Variants in MCC observed in about 807,000 individuals in gnomAD.
MCC encodes colorectal mutant cancer protein.
In MCC, 90 loss-of-function variants were observed where a neutral mutation model predicts 116.2. The ratio of observed to expected loss-of-function variants is 0.77; its 90% CI spans 0.65 to 0.92. The LOEUF is 0.92. Ranked by LOEUF, MCC falls within the 40% of genes least tolerant of loss-of-function variation. The pLI, the probability that MCC is intolerant of heterozygous loss-of-function variation, is 0.00. For missense variants in MCC, 1,516 were observed against 1,312.2 expected (o/e 1.16, Z -2.40); for synonymous variants, 578 against 510.5 (o/e 1.13, Z -1.78).
intron 2 of MCC, among the ~76,000 whole-genome samples, chr5:113,375,349 C>T (rs1330889394): frequency 6.6e-6 from 1 of 152,122 alleles, no homozygotes; most frequent in African/African-American, 2.4e-5. Flanking sequence ...ATATATGATC[C>T]TGTACTAGTT....
At chr5:113,060,901 G>C (rs1753169519) in intron 14 of MCC, among the ~76,000 whole-genome samples, 1 of 152,198 alleles carries the variant, frequency 6.6e-6, no homozygotes, top group Non-Finnish European at 1.5e-5. Flanking sequence ...CCTCAGTAAA[G>C]ATGACTGTTT....
At chr5:113,176,727 A>C (rs1761354705) in intron 3 of MCC, among the ~76,000 whole-genome samples, 1 of 152,194 alleles carries the variant, frequency 6.6e-6, no homozygotes, top group Non-Finnish European at 1.5e-5. Flanking sequence ...CAAGTTCTAC[A>C]GGCCCATTTA....
At chr5:113,402,225 C>T (rs558479070) in intron 1 of MCC, among the ~76,000 whole-genome samples, 11 of 144,024 alleles carry the variant, frequency 7.6e-5, no homozygotes, top group Admixed American at 1.5e-4. Flanking sequence ...ACCCGGGAGG[C>T]GGAGCTTGCA....
chr5:113,467,975 G>T (rs1343462058), intron 1 of MCC, among the ~76,000 whole-genome samples: 1 of 151,390 alleles, frequency 6.6e-6, no homozygotes, highest in Non-Finnish European at 1.5e-5. Context: ...TCATGATTTG[G>T]CTGTTTGTCT....
chr5:113,197,927 G>A (rs1278320726), intron 3 of MCC, among the ~76,000 whole-genome samples: 1 of 152,208 alleles, frequency 6.6e-6, no homozygotes, highest in Non-Finnish European at 1.5e-5. Flanking sequence ...TGACACTCGT[G>A]TCATGTGACT....
intron 3 of MCC, among the ~76,000 whole-genome samples, chr5:113,339,181 G>C (rs887830924): frequency 8.6e-5 from 13 of 151,020 alleles, no homozygotes; most frequent in South Asian, 8.4e-4. Context: ...AGCCAAGACT[G>C]CGCAATTGCA....
intron 3 of MCC, among the ~76,000 whole-genome samples, chr5:113,156,121 C>G (rs73239158): frequency 0.016 from 2,383 of 152,288 alleles, 58 homozygotes; most frequent in African/African-American, 0.055. Flanking sequence ...TTTGTGGAGC[C>G]ACCCCACCAG....
intron 3 of MCC, among the ~76,000 whole-genome samples, chr5:113,290,580 C>A (rs1766453108): frequency 1.3e-5 from 2 of 152,274 alleles, no homozygotes; most frequent in South Asian, 4.2e-4. Flanking sequence ...TATTGTTAAA[C>A]CTTAAGATAT....
chr5:113,100,609 C>T (rs565143730), intron 8 of MCC, among the ~76,000 whole-genome samples: 25 of 151,778 alleles, frequency 1.6e-4, no homozygotes, highest in African/African-American at 4.4e-4. Flanking sequence ...GTAGCTGGGA[C>T]TACAGGCACA....
chr5:113,431,985 A>T (rs1288599090), intron 1 of MCC, among the ~76,000 whole-genome samples: 1 of 151,680 alleles, frequency 6.6e-6, no homozygotes, highest in Non-Finnish European at 1.5e-5. Context: ...AAAATACAAA[A>T]ATTAGCTGGG....
chr5:113,145,768 A>C (rs925425144), intron 4 of MCC, among the ~76,000 whole-genome samples: 16 of 23,598 alleles, frequency 6.8e-4, no homozygotes, highest in East Asian at 5.3e-3. Flanking sequence ...ACACACACAC[A>C]CACACACACA....
intron 8 of MCC, among the ~76,000 whole-genome samples, chr5:113,086,265 A>G (rs909244469): frequency 2.0e-5 from 3 of 152,338 alleles, no homozygotes; most frequent in Middle Eastern, 3.4e-3. Flanking sequence ...GCAATCTTAA[A>G]GGAGAACAAG....
intron 5 of MCC, among the ~76,000 whole-genome samples, chr5:113,134,876 C>T (rs56111630): frequency 0.19 from 28,100 of 151,088 alleles, 3,613 homozygotes; most frequent in African/African-American, 0.36. Flanking sequence ...GATCTTTCCA[C>T]TTGTTTGCAT....
chr5:113,068,312 C>T (rs1263646058), intron 12 of MCC, 129 bp from the exon 13 acceptor site: 2 of 669,876 alleles, frequency 3.0e-6, no homozygotes, highest in Non-Finnish European at 5.3e-6. Context: ...GCAAGGAAAC[C>T]ACCCATGAAT....
At chr5:113,165,994 G>A (rs6866874) in intron 3 of MCC, among the ~76,000 whole-genome samples, 9,350 of 151,920 alleles carry the variant, frequency 0.062, 526 homozygotes, top group African/African-American at 0.15. Flanking sequence ...AATGAAGGCT[G>A]CATATTTTCC....
In MCC at chr5:113,034,137, T is replaced by G. The variant is rs139123578; in HGVS notation, c.2757-5081A>C. On this transcript the variant is annotated intron_variant, in intron 17 of 18. Coordinates refer to ENST00000408903, the MANE Select transcript of MCC (RefSeq NM_001085377.2). Reference sequence around the variant, plus strand: ...CTGGTTGCAAACTACTGGGCTCTAGTGGTCCTCCCACCTTGCCCTCCCAAA... The same window carrying G: ...CTGGTTGCAAACTACTGGGCTCTAGGGGTCCTCCCACCTTGCCCTCCCAAA... Among the ~76,000 whole-genome samples the G allele has an allele frequency of 4.4e-4, 67 of 151,060 alleles. No homozygotes were observed. The East Asian group carries it at 0.012, about 28-fold the overall frequency.
chr5:113,478,232 A>T (rs1000502619), intron 1 of MCC, among the ~76,000 whole-genome samples: 1 of 152,152 alleles, frequency 6.6e-6, no homozygotes, highest in Non-Finnish European at 1.5e-5. Flanking sequence ...AATCTGACAG[A>T]CACTTTAGTT....
intron 1 of MCC, among the ~76,000 whole-genome samples, chr5:113,410,122 C>A (rs1769942318): frequency 6.6e-6 from 1 of 152,148 alleles, no homozygotes; most frequent in African/African-American, 2.4e-5. Flanking sequence ...CGGGATCTTG[C>A]TGAACATACT....
chr5:113,252,981 C>T (rs938405389), intron 3 of MCC, among the ~76,000 whole-genome samples: 1 of 152,178 alleles, frequency 6.6e-6, no homozygotes, highest in Non-Finnish European at 1.5e-5. Context: ...CCCTGCATGC[C>T]CTTCTGTACT....
Sources: gnomAD v4.1 joint callset for allele counts (sites outside exome capture counted in the v4.1 genomes callset) on GRCh38, gnomAD v4.1.1 for gene constraint, MANE v1.5 for transcripts, NCBI Gene and HGNC (gene_info 2026-07-23, HGNC 2026-07-21) for gene names.